Variants in CTNNA3 observed in about 807,000 individuals in gnomAD.
CTNNA3 encodes the protein catenin alpha 3.
In CTNNA3, 76 loss-of-function variants were observed where a neutral mutation model predicts 95.7. The ratio of observed to expected loss-of-function variants is 0.79; its 90% CI spans 0.66 to 0.96. CTNNA3 has a LOEUF of 0.96. Among genes scored for constraint, CTNNA3 ranks in the 40% least tolerant of loss-of-function variants. The pLI is 0.00. For synonymous variants in CTNNA3, 431 were observed against 374.4 expected, an observed-to-expected ratio of 1.15 and a Z score of -1.74; for missense variants, 1,191 against 1,089.8, an observed-to-expected ratio of 1.09 and a Z score of -1.31.
chr10:66,715,373 T>C (rs1400746903), intron 9 of CTNNA3, among the ~76,000 whole-genome samples: 1 of 152,176 alleles, frequency 6.6e-6, no homozygotes, highest in African/African-American at 2.4e-5. Flanking sequence ...TATGGCTCCT[T>C]AAGGATGTTA....
chr10:66,796,258 T>A (rs1039948133), intron 7 of CTNNA3, among the ~76,000 whole-genome samples: 1 of 152,100 alleles, frequency 6.6e-6, no homozygotes, highest in Non-Finnish European at 1.5e-5. Context: ...CTCCTTTCAC[T>A]TGAACACTTA....
At chr10:66,644,798 C>T (rs529151451) in intron 9 of CTNNA3, among the ~76,000 whole-genome samples, 29 of 151,958 alleles carry the variant, frequency 1.9e-4, no homozygotes, top group Non-Finnish European at 2.9e-4. Flanking sequence ...AATTTTGTCA[C>T]CTGTGTAGGT....
intron 7 of CTNNA3, among the ~76,000 whole-genome samples, chr10:67,168,093 G>A (rs938310865): frequency 5.9e-5 from 9 of 152,106 alleles, no homozygotes; most frequent in East Asian, 1.9e-4. Context: ...CCGAGATGGC[G>A]TCACTGCACT....
At chr10:66,690,562 G>T (rs1383659527) in intron 9 of CTNNA3, among the ~76,000 whole-genome samples, 1 of 151,072 alleles carries the variant, frequency 6.6e-6, no homozygotes, top group South Asian at 2.1e-4. Flanking sequence ...ACCTATGAGT[G>T]AGAATATGCG....
intron 13 of CTNNA3, among the ~76,000 whole-genome samples, chr10:66,177,153 C>T (rs2085757434): frequency 6.6e-6 from 1 of 151,986 alleles, no homozygotes; most frequent in Non-Finnish European, 1.5e-5. Flanking sequence ...GGGAAGTGTG[C>T]CAGAAAGCTC....
chr10:67,374,646 T>C (rs1019598184), intron 5 of CTNNA3, among the ~76,000 whole-genome samples: 2 of 152,136 alleles, frequency 1.3e-5, no homozygotes, highest in African/African-American at 4.8e-5. Flanking sequence ...TGTATATATT[T>C]ATGGAGTACA....
chr10:66,032,170 T>G (rs1463309761), intron 15 of CTNNA3, among the ~76,000 whole-genome samples: 3 of 152,214 alleles, frequency 2.0e-5, no homozygotes, highest in Non-Finnish European at 4.4e-5. Context: ...TTACATATTA[T>G]TAGATTTTTC....
At chr10:66,107,213 C>T (rs189354690) in intron 13 of CTNNA3, among the ~76,000 whole-genome samples, 100 of 152,198 alleles carry the variant, frequency 6.6e-4, no homozygotes, top group Non-Finnish European at 1.2e-3. Flanking sequence ...CAGACATTAA[C>T]GTTATTTCTC....
At chr10:65,938,764 C>T (rs560093816) in intron 17 of CTNNA3, among the ~76,000 whole-genome samples, 1 of 152,044 alleles carries the variant, frequency 6.6e-6, no homozygotes, top group Admixed American at 6.6e-5. Flanking sequence ...TCCTTACCAA[C>T]GGTGTGTGTT....
chr10:66,460,917 T>C (rs2093524964), intron 11 of CTNNA3, among the ~76,000 whole-genome samples: 1 of 152,186 alleles, frequency 6.6e-6, no homozygotes, highest in Admixed American at 6.6e-5. Context: ...TTGTGGTTAT[T>C]GGCTTAAAAC....
intron 5 of CTNNA3, among the ~76,000 whole-genome samples, chr10:67,512,691 TAA>T (rs1052453236): frequency 7.0e-6 from 1 of 143,600 alleles, no homozygotes. Flanking sequence ...TTTTCTTCTT[TAA>T]AAAAAAAAAA....
chr10:67,323,448 C>T (rs1841407698), intron 5 of CTNNA3, among the ~76,000 whole-genome samples: 1 of 152,172 alleles, frequency 6.6e-6, no homozygotes. Context: ...AGCCAGTTAT[C>T]TCAGCACCAC....
chr10:66,517,721 C>T (rs945273513), intron 11 of CTNNA3, among the ~76,000 whole-genome samples: 1 of 152,078 alleles, frequency 6.6e-6, no homozygotes, highest in Non-Finnish European at 1.5e-5. Flanking sequence ...CTTGCTTTCA[C>T]TTTGCATTGC....
chr10:66,866,893 T>G (rs1403150340), intron 7 of CTNNA3, among the ~76,000 whole-genome samples: 1 of 152,172 alleles, frequency 6.6e-6, no homozygotes, highest in African/African-American at 2.4e-5. Flanking sequence ...TCCCAGATAT[T>G]GTGGGAGGAA....
chr10:66,497,332 T>A (rs1370477440), intron 11 of CTNNA3, among the ~76,000 whole-genome samples: 1 of 151,706 alleles, frequency 6.6e-6, no homozygotes, highest in Non-Finnish European at 1.5e-5. Flanking sequence ...GTTTTTGTCA[T>A]CACTTTGATG....
At chr10:66,619,660 T>C (rs1180537085) in intron 10 of CTNNA3, among the ~76,000 whole-genome samples, 2 of 149,868 alleles carry the variant, frequency 1.3e-5, no homozygotes, top group Non-Finnish European at 3.0e-5. Flanking sequence ...CATTTATACA[T>C]ATGTAACTAA....
At chr10:66,467,401 A>G (rs1412660649) in intron 11 of CTNNA3, among the ~76,000 whole-genome samples, 1 of 152,100 alleles carries the variant, frequency 6.6e-6, no homozygotes, top group Non-Finnish European at 1.5e-5. Context: ...ATTTTTGTGC[A>G]GATATCTAAT....
chr10:67,704,119 A>G (rs1282938853), intron 1 of CTNNA3, among the ~76,000 whole-genome samples: 1 of 152,232 alleles, frequency 6.6e-6, no homozygotes, highest in African/African-American at 2.4e-5. Flanking sequence ...GCTCAATGAA[A>G]TAAAAGAGGA....
chr10:67,546,693 A>G (rs1368510700), intron 3 of CTNNA3, among the ~76,000 whole-genome samples: 2 of 152,142 alleles, frequency 1.3e-5, no homozygotes, highest in Non-Finnish European at 2.9e-5. Flanking sequence ...CCAACAACCT[A>G]TTGACTGATA....
Sources: allele counts gnomAD v4.1 joint callset (sites outside exome capture counted in the v4.1 genomes callset), GRCh38; gene constraint gnomAD v4.1.1; transcripts MANE v1.5; gene names NCBI Gene and HGNC (gene_info 2026-07-23, HGNC 2026-07-21).